Variants in KIAA0825 observed in about 807,000 individuals in gnomAD.
KIAA0825 encodes the protein KIAA0825, also known as uncharacterized protein KIAA0825.
A neutral mutation model predicts 147.6 loss-of-function variants in KIAA0825; 119 were observed. That is an observed-to-expected ratio of 0.81 (90% CI 0.69 to 0.94). KIAA0825 has a LOEUF of 0.94. KIAA0825 is among the 40% of genes least tolerant of loss of function. The pLI is 0.00. For missense variants in KIAA0825, 1,381 were observed against 1,472.7 expected (o/e 0.94, Z 1.02); for synonymous variants, 470 against 518.1 (o/e 0.91, Z 1.26).
At chr5:94,485,582 T>G (rs1762956957) in intron 5 of KIAA0825, among the ~76,000 whole-genome samples, 1 of 151,502 alleles carries the variant, frequency 6.6e-6, no homozygotes, top group Non-Finnish European at 1.5e-5. Flanking sequence ...TACATAAGAG[T>G]GTCTGCGGAC....
chr5:94,324,342 T>A (rs1780477886), intron 20 of KIAA0825, among the ~76,000 whole-genome samples: 1 of 152,060 alleles, frequency 6.6e-6, no homozygotes, highest in Non-Finnish European at 1.5e-5. Flanking sequence ...TTTTCTTGTA[T>A]ATCAAGAGAG....
rs576671820 is a variant in KIAA0825 at position 94,434,139 on chromosome 5, A to G, written c.2497+5843T>C. On this transcript the variant is annotated intron_variant, in intron 14 of 20. Coordinates refer to ENST00000682413, the MANE Select transcript of KIAA0825 (RefSeq NM_001145678.3). ...AGATGACCTAACTTAAAACCAAGAA[A>G]CATTACCTTCTCCTGCCAACTGAAC... Among the ~76,000 whole-genome samples, 15 of 152,356 alleles carry G rather than the reference A, an allele frequency of 9.8e-5. No individual in the cohort carries two copies. The South Asian group carries it at 2.5e-3, about 25-fold the overall frequency.
At chr5:94,163,193 G>T (rs1014154674) in intron 20 of KIAA0825, among the ~76,000 whole-genome samples, 7 of 152,082 alleles carry the variant, frequency 4.6e-5, no homozygotes, top group South Asian at 2.1e-4. Context: ...TCAGTTATTT[G>T]GTACCTGACT....
intron 20 of KIAA0825, among the ~76,000 whole-genome samples, chr5:94,211,896 A>ATATTG (rs1281674262): frequency 9.8e-5 from 15 of 152,300 alleles, no homozygotes; most frequent in Admixed American, 9.8e-4. Flanking sequence ...ACGTACATGA[A>ATATTG]TACAAATTGA....
At chr5:94,530,271 CAAAA>C (rs770501364) in intron 3 of KIAA0825, among the ~76,000 whole-genome samples, 6 of 54,604 alleles carry the variant, frequency 1.1e-4, no homozygotes, top group African/African-American at 2.7e-4. Flanking sequence ...AACTCCGTCA[CAAAA>C]AAAAAAAAAA....
At chr5:94,478,363 A>G (rs758856776) in intron 6 of KIAA0825, among the ~76,000 whole-genome samples, 8 of 152,014 alleles carry the variant, frequency 5.3e-5, no homozygotes, top group Non-Finnish European at 1.2e-4. Context: ...TCATCTTTGG[A>G]TTTGTGAACA....
intron 5 of KIAA0825, among the ~76,000 whole-genome samples, chr5:94,498,526 C>T (rs542975977): frequency 6.6e-6 from 1 of 152,290 alleles, no homozygotes; most frequent in South Asian, 2.1e-4. Context: ...CCCATTCTTC[C>T]AGAGGTTTAA....
chr5:94,236,998 G>A (rs1775077395), intron 20 of KIAA0825, among the ~76,000 whole-genome samples: 1 of 151,942 alleles, frequency 6.6e-6, no homozygotes, highest in South Asian at 2.1e-4. Flanking sequence ...GTGGTGCTCT[G>A]GGACCAAACT....
At chr5:94,533,111 T>C (rs945599000) in intron 3 of KIAA0825, among the ~76,000 whole-genome samples, 2 of 151,278 alleles carry the variant, frequency 1.3e-5, no homozygotes, top group South Asian at 2.1e-4. Flanking sequence ...CCTGAGTAGC[T>C]GGGACTACAG....
At position 94,473,466 on chromosome 5, in the gene KIAA0825, G is replaced by A. The variant is rs1562533104; in HGVS notation, c.1281C>T (p.Pro427=). ...WRSAFKEVSL[P]MAHCVVTAIE... ...TTGCAGTTACTACGCAGTGCGCCAT[G>A]GGAAGAGACACTTCTTTAAATGCAC... Residue 427 remains proline, a synonymous_variant, in exon 8 of 21, where the codon CCC becomes CCT. Transcript: ENST00000682413. 1 of 1,551,746 alleles carries A rather than the reference G, an allele frequency of 6.4e-7. No homozygotes were observed. The highest frequency in any genetic ancestry group is 8.7e-7 in the Non-Finnish European group (1 of 1,147,014).
At chr5:94,267,511 G>C (rs1455073676) in intron 20 of KIAA0825, among the ~76,000 whole-genome samples, 1 of 152,128 alleles carries the variant, frequency 6.6e-6, no homozygotes, top group African/African-American at 2.4e-5. Flanking sequence ...CACTGAGCCA[G>C]ATTAAGAAAG....
intron 2 of KIAA0825, among the ~76,000 whole-genome samples, chr5:94,576,024 C>T (rs1780965322): frequency 6.6e-6 from 1 of 151,994 alleles, no homozygotes; most frequent in African/African-American, 2.4e-5. Context: ...TAGTGTTAGA[C>T]ATAATGATTT....
intron 20 of KIAA0825, among the ~76,000 whole-genome samples, chr5:94,166,131 A>G (rs577777469): frequency 6.6e-6 from 1 of 152,264 alleles, no homozygotes; most frequent in South Asian, 2.1e-4. Flanking sequence ...AAATATATAC[A>G]CCTATGTAGC....
At chr5:94,370,912 A>AAAAAC (rs919730435) in intron 20 of KIAA0825, among the ~76,000 whole-genome samples, 39 of 152,206 alleles carry the variant, frequency 2.6e-4, no homozygotes, top group African/African-American at 6.3e-4. Flanking sequence ...TCTGTCTCAA[A>AAAAAC]AAAACAAAAC....
chr5:94,458,522 T>C (rs1015278214), intron 12 of KIAA0825, among the ~76,000 whole-genome samples: 1 of 152,174 alleles, frequency 6.6e-6, no homozygotes, highest in Non-Finnish European at 1.5e-5. Context: ...TCGAATATTC[T>C]GGGAGCAGCC....
chr5:94,428,564 A>G (rs1448810782), intron 14 of KIAA0825, among the ~76,000 whole-genome samples: 1 of 152,170 alleles, frequency 6.6e-6, no homozygotes, highest in Non-Finnish European at 1.5e-5. Flanking sequence ...AAGAATGCTG[A>G]AAATAGGACC....
intron 5 of KIAA0825, among the ~76,000 whole-genome samples, chr5:94,497,284 T>C (rs1302731292): frequency 1.3e-5 from 2 of 152,150 alleles, no homozygotes; most frequent in Non-Finnish European, 2.9e-5. Flanking sequence ...TTTGGAATAA[T>C]ATGGACAATT....
At chr5:94,458,857 C>A (rs1344919237) in intron 12 of KIAA0825, among the ~76,000 whole-genome samples, 1 of 152,054 alleles carries the variant, frequency 6.6e-6, no homozygotes, top group Admixed American at 6.6e-5. Context: ...GATTTACCCA[C>A]TTAAAGTATA....
chr5:94,523,820 T>G, intron 4 of KIAA0825, 110 bp downstream of exon 4: 1 of 625,990 alleles, frequency 1.6e-6, no homozygotes, highest in Non-Finnish European at 2.6e-6. Flanking sequence ...AACCCCTATG[T>G]ATGGCAGGCT....
Sources: gnomAD v4.1 joint callset for allele counts (sites outside exome capture counted in the v4.1 genomes callset) on GRCh38, gnomAD v4.1.1 for gene constraint, MANE v1.5 for transcripts, NCBI Gene and HGNC (gene_info 2026-07-23, HGNC 2026-07-21) for gene names.